The following FRMD6 variants were observed in gnomAD, a reference collection of about 807,000 sequenced individuals.
FRMD6 encodes FERM domain containing 6, also known as FERM domain-containing protein 6.
In FRMD6, 37 loss-of-function variants were observed where a neutral mutation model predicts 73.2. The ratio of observed to expected loss-of-function variants is 0.51; its 90% confidence interval spans 0.39 to 0.66. The LOEUF (loss-of-function observed/expected upper bound fraction) is 0.66. FRMD6 is among the 30% of genes least tolerant of loss of function. The pLI is 0.00. For synonymous variants in FRMD6, 273 were observed against 282.2 expected (o/e 0.97, Z 0.33); for missense variants, 714 against 780.5 (o/e 0.91, Z 1.02).
chr14:51,590,173 T>C (rs1391871862), intron 2 of FRMD6, among the ~76,000 whole-genome samples: 1 of 152,056 alleles, frequency 6.6e-6, no homozygotes, highest in Non-Finnish European at 1.5e-5. Flanking sequence ...GGTTTGTAAT[T>C]CCCAATAAAT....
At chr14:51,549,171 A>G (rs72673965) in intron 1 of FRMD6, among the ~76,000 whole-genome samples, 29,069 of 152,008 alleles carry the variant, frequency 0.19, 2,974 homozygotes, top group Middle Eastern at 0.33. Flanking sequence ...AGTGTATGAA[A>G]TGTTAAGGTG....
At chr14:51,602,759 G>GT (rs1449338424) in intron 2 of FRMD6, among the ~76,000 whole-genome samples, 1 of 152,136 alleles carries the variant, frequency 6.6e-6, no homozygotes, top group Non-Finnish European at 1.5e-5. Context: ...TGGGTGAACA[G>GT]TTTTTTAACA....
chr14:51,460,398 C>T, the FRMD6 span, among the ~76,000 whole-genome samples: 1 of 152,112 alleles, frequency 6.6e-6, no homozygotes, highest in Non-Finnish European at 1.5e-5. Context: ...TGGTTATTTT[C>T]AATATACCTA....
At chr14:51,645,088 T>G (rs1356262082) in intron 2 of FRMD6, among the ~76,000 whole-genome samples, 2 of 152,204 alleles carry the variant, frequency 1.3e-5, no homozygotes, top group Non-Finnish European at 2.9e-5. Flanking sequence ...ATAGAATAAT[T>G]TATTAGGCTA....
the FRMD6 span, among the ~76,000 whole-genome samples, chr14:51,482,592 CT>C: frequency 6.6e-6 from 1 of 152,074 alleles, no homozygotes; most frequent in African/African-American, 2.4e-5. Flanking sequence ...GTGGGAGAAT[CT>C]GTCCAAGGAA....
At chr14:51,557,365 CA>C (rs1241390203) in intron 1 of FRMD6, among the ~76,000 whole-genome samples, 2 of 151,994 alleles carry the variant, frequency 1.3e-5, no homozygotes, top group African/African-American at 4.8e-5. Context: ...ACCTGGAAGA[CA>C]TTATGCTAAG....
the FRMD6 span, among the ~76,000 whole-genome samples, chr14:51,483,605 G>T: frequency 6.6e-6 from 1 of 152,186 alleles, no homozygotes; most frequent in Non-Finnish European, 1.5e-5. Context: ...TGGAGAGTAT[G>T]GTGGAGGCTG....
At chr14:51,453,992 A>T in the FRMD6 span, among the ~76,000 whole-genome samples, 1 of 152,244 alleles carries the variant, frequency 6.6e-6, no homozygotes, top group Non-Finnish European at 1.5e-5. Flanking sequence ...GCGATGAAGC[A>T]GGGCTCTGCT....
chr14:51,467,218 C>A, the FRMD6 span, among the ~76,000 whole-genome samples: 1 of 123,488 alleles, frequency 8.1e-6, no homozygotes, highest in South Asian at 3.2e-4. Flanking sequence ...GCACATCTTG[C>A]ACCGCCCTTA....
chr14:51,665,502 T>C (rs904320631), intron 1 of FRMD6, among the ~76,000 whole-genome samples: 3 of 152,138 alleles, frequency 2.0e-5, no homozygotes, highest in African/African-American at 7.2e-5. Context: ...ATGTTTCTGC[T>C]TCTGGCTTCT....
chr14:51,594,387 G>A (rs888228793), intron 2 of FRMD6, among the ~76,000 whole-genome samples: 3 of 151,598 alleles, frequency 2.0e-5, no homozygotes, highest in African/African-American at 7.3e-5. Context: ...GGAGTGCAAT[G>A]GTGCGATCTT....
At chr14:51,407,390 G>A in the FRMD6 span, among the ~76,000 whole-genome samples, 8 of 151,476 alleles carry the variant, frequency 5.3e-5, no homozygotes, top group Non-Finnish European at 1.0e-4. Context: ...TGTGTAATTA[G>A]GATTATTTTT....
At chr14:51,473,817 T>A in the FRMD6 span, among the ~76,000 whole-genome samples, 1 of 149,698 alleles carries the variant, frequency 6.7e-6, no homozygotes, top group African/African-American at 2.5e-5. Flanking sequence ...TTTCTATGCT[T>A]TCTTTACTTT....
chr14:51,707,974 C>A, intron 6 of FRMD6, 104 bp from the exon 7 acceptor site: 1 of 1,048,794 alleles, frequency 9.5e-7, no homozygotes, highest in Non-Finnish European at 1.4e-6. Context: ...AACCAGTTTA[C>A]ATGGCCTATT....
At chr14:51,617,379 G>C (rs1358601236) in intron 2 of FRMD6, among the ~76,000 whole-genome samples, 1 of 152,162 alleles carries the variant, frequency 6.6e-6, no homozygotes, top group Non-Finnish European at 1.5e-5. Context: ...GGAAGACAGG[G>C]AATGATGACC....
At position 51,718,428 on chromosome 14, in the gene FRMD6, A is replaced by G. The variant is rs1286731350; in HGVS notation, c.1025-1627A>G. On this transcript the variant is annotated intron_variant, in intron 10 of 13. Transcript: ENST00000344768. ...TAAATTATTAGGTCCACAGTTCCTA[A>G]TTATTTTAGAACAATGGAACTCCAA... Among the ~76,000 whole-genome samples, 3 of 152,258 alleles carry G rather than the reference A, an allele frequency of 2.0e-5. No homozygotes were observed. The East Asian group carries it at 5.8e-4, about 29-fold the overall frequency.
At chr14:51,464,767 C>A in the FRMD6 span, among the ~76,000 whole-genome samples, 78 of 152,262 alleles carry the variant, frequency 5.1e-4, 1 homozygote, top group African/African-American at 1.8e-3. Flanking sequence ...GAAGGAAGAG[C>A]TGCATACTCA....
At chr14:51,399,531 C>A in the FRMD6 span, among the ~76,000 whole-genome samples, 1 of 152,054 alleles carries the variant, frequency 6.6e-6, no homozygotes, top group Non-Finnish European at 1.5e-5. Flanking sequence ...CAAAATATAA[C>A]TTTATTACTT....
At chr14:51,531,352 G>A (rs1596547035) in intron 1 of FRMD6, among the ~76,000 whole-genome samples, 1 of 152,198 alleles carries the variant, frequency 6.6e-6, no homozygotes, top group Admixed American at 6.5e-5. Flanking sequence ...ACGAGAAAAT[G>A]TCAAACAAGC....
Sources: gnomAD v4.1 joint callset for allele counts (sites outside exome capture counted in the v4.1 genomes callset) on GRCh38, gnomAD v4.1.1 for gene constraint, MANE v1.5 for transcripts, NCBI Gene and HGNC (gene_info 2026-07-23, HGNC 2026-07-21) for gene names.